The following BABAM2 variants were observed in gnomAD, a reference collection of about 807,000 sequenced individuals.
BABAM2 encodes BRISC and BRCA1 A complex member 2, also known as BRISC and BRCA1-A complex member 2.
Under a neutral mutation model 54.7 loss-of-function variants are expected in BABAM2, and 31 were observed. The observed-to-expected ratio is 0.57, with a 90% CI of 0.43 to 0.77. BABAM2 has a LOEUF of 0.77. Ranked by LOEUF, BABAM2 falls within the 30% of genes least tolerant of loss-of-function variation. The pLI is 0.00. For missense variants in BABAM2, 364 were observed against 455.8 expected (o/e 0.80, Z 1.83); for synonymous variants, 167 against 162.9 (o/e 1.03, Z -0.19).
intron 6 of BABAM2, among the ~76,000 whole-genome samples, chr2:28,093,240 T>G (rs1419863223): frequency 1.3e-5 from 2 of 152,168 alleles, no homozygotes; most frequent in Admixed American, 6.5e-5. Context: ...TGTACTGTTT[T>G]GGTTTTAGGT....
At chr2:28,284,264 G>A (rs1202564863) in intron 10 of BABAM2, among the ~76,000 whole-genome samples, 1 of 152,076 alleles carries the variant, frequency 6.6e-6, no homozygotes, top group African/African-American at 2.4e-5. Flanking sequence ...TCCCACCCAT[G>A]CTCATAGAAG....
intron 6 of BABAM2, among the ~76,000 whole-genome samples, chr2:28,122,563 C>T (rs1669170437): frequency 6.6e-6 from 1 of 152,038 alleles, no homozygotes; most frequent in Non-Finnish European, 1.5e-5. Context: ...GCTTTTTTAC[C>T]GTCCTGTTAC....
At chr2:28,054,595 C>T (rs2148627657) in intron 6 of BABAM2, among the ~76,000 whole-genome samples, 1 of 152,210 alleles carries the variant, frequency 6.6e-6, no homozygotes, top group South Asian at 2.1e-4. Flanking sequence ...TGAAAGAAGC[C>T]CTAGAGGGCT....
intron 11 of BABAM2, among the ~76,000 whole-genome samples, chr2:28,315,110 GA>G: frequency 7.3e-6 from 1 of 136,890 alleles, no homozygotes; most frequent in South Asian, 2.6e-4. Context: ...GAGAGGAGGG[GA>G]AAAGGGGAAG....
chr2:28,262,617 A>G (rs72784772), intron 10 of BABAM2, among the ~76,000 whole-genome samples: 19,523 of 152,086 alleles, frequency 0.13, 1,496 homozygotes, highest in African/African-American at 0.21. Flanking sequence ...TGATGCCATC[A>G]TCTTAGGCAA....
At chr2:28,104,866 A>T (rs1197380326) in intron 6 of BABAM2, among the ~76,000 whole-genome samples, 1 of 152,232 alleles carries the variant, frequency 6.6e-6, no homozygotes, top group Non-Finnish European at 1.5e-5. Flanking sequence ...GCCATAAAAA[A>T]TGATGAGTTC....
At chr2:27,913,586 GC>G (rs776354523) in intron 2 of BABAM2, among the ~76,000 whole-genome samples, 21 of 152,082 alleles carry the variant, frequency 1.4e-4, no homozygotes, top group Non-Finnish European at 2.9e-4. Flanking sequence ...CTTTGTCCAT[GC>G]TTTACATATA....
At chr2:27,988,153 C>A in intron 4 of BABAM2, 66 bp downstream of exon 4, 2 of 1,460,426 alleles carry the variant, frequency 1.4e-6, no homozygotes, top group Admixed American at 1.7e-5. Flanking sequence ...TGGCTTTCAG[C>A]AGTTGCTTAA....
At position 28,325,282 on chromosome 2, in the gene BABAM2, A is replaced by C. The variant is rs1690350958; in HGVS notation, c.1089-13168A>C. 1.3e-5 allele frequency among the ~76,000 whole-genome samples: 2 copies of C among 152,168 alleles called. No individual in the cohort carries two copies. Among genetic ancestry groups the C allele is most frequent in the Admixed American group, 1.3e-4 (2 of 15,274 alleles). ...AGGGCTACCTGCTGTCAGCATGTGCAGGGCCCGAGCTGGTGCAGTGTGGAG... is the reference window on the plus strand; with the variant it reads ...AGGGCTACCTGCTGTCAGCATGTGCCGGGCCCGAGCTGGTGCAGTGTGGAG... On this transcript the variant is annotated intron_variant, in intron 11 of 11. Coordinates refer to ENST00000379624, the MANE Select transcript of BABAM2 (RefSeq NM_199191.3). This position sits in a 1 kb window ranked among gnomAD's most constrained non-coding sequence, Gnocchi z 4.3.
At chr2:28,021,553 G>C (rs1475981112) in intron 4 of BABAM2, among the ~76,000 whole-genome samples, 1 of 152,070 alleles carries the variant, frequency 6.6e-6, no homozygotes, top group South Asian at 2.1e-4. Flanking sequence ...GAGAAATTAG[G>C]AAAATTATAC....
At chr2:27,893,281 G>C (rs1424253675) in intron 1 of BABAM2, among the ~76,000 whole-genome samples, 2 of 152,168 alleles carry the variant, frequency 1.3e-5, no homozygotes, top group Non-Finnish European at 2.9e-5. Context: ...TGAGTTTCCA[G>C]ATAATTTAGA....
intron 3 of BABAM2, among the ~76,000 whole-genome samples, chr2:27,984,841 C>G (rs1672285578): frequency 6.6e-6 from 1 of 151,990 alleles, no homozygotes; most frequent in Non-Finnish European, 1.5e-5. Context: ...TTATCCCTCA[C>G]CTCCTCCCAC....
intron 3 of BABAM2, among the ~76,000 whole-genome samples, chr2:27,976,910 T>C (rs1489880518): frequency 6.6e-6 from 1 of 152,160 alleles, no homozygotes; most frequent in Admixed American, 6.5e-5. Context: ...GGAAGTCTTC[T>C]AAGAAGAGGA....
intron 7 of BABAM2, among the ~76,000 whole-genome samples, chr2:28,145,614 T>G (rs1671426758): frequency 6.6e-6 from 1 of 152,186 alleles, no homozygotes; most frequent in African/African-American, 2.4e-5. Context: ...CCATTTAAAG[T>G]GTACAGTTCA....
chr2:28,297,981 A>G (rs1307394525), intron 10 of BABAM2, among the ~76,000 whole-genome samples: 2 of 152,202 alleles, frequency 1.3e-5, no homozygotes, highest in African/African-American at 2.4e-5. Context: ...CTGCTATGGA[A>G]TATTGATCCC....
chr2:28,069,395 A>G (rs534981243), intron 6 of BABAM2, among the ~76,000 whole-genome samples: 6 of 152,324 alleles, frequency 3.9e-5, no homozygotes, highest in Admixed American at 6.5e-5. Context: ...GCCATACCCT[A>G]TCTAATGTAC....
chr2:28,090,444 G>A (rs972283323), intron 6 of BABAM2, among the ~76,000 whole-genome samples: 3 of 151,916 alleles, frequency 2.0e-5, no homozygotes, highest in African/African-American at 4.8e-5. Context: ...GGGTTTCACC[G>A]TGTTGGCCAG....
chr2:28,232,179 A>G (rs1681475071), intron 7 of BABAM2, among the ~76,000 whole-genome samples: 1 of 152,142 alleles, frequency 6.6e-6, no homozygotes, highest in Admixed American at 6.5e-5. Flanking sequence ...AGAAAACTTG[A>G]TAGAAGCAAG....
At chr2:28,233,003 C>A in intron 7 of BABAM2, 1 of 306,370 alleles carries the variant, frequency 3.3e-6, no homozygotes, top group Non-Finnish European at 6.7e-6. Context: ...AAAACTCTGG[C>A]CTCATCCTTC....
Sources: allele counts gnomAD v4.1 joint callset (sites outside exome capture counted in the v4.1 genomes callset), GRCh38; gene constraint gnomAD v4.1.1; non-coding constraint Gnocchi (gnomAD v3.1); transcripts MANE v1.5; gene names NCBI Gene and HGNC (gene_info 2026-07-23, HGNC 2026-07-21).